The following SHISA9 variants were observed in gnomAD, a reference collection of about 807,000 sequenced individuals.
SHISA9 encodes the protein shisa family member 9, also known as protein shisa-9.
Under a neutral mutation model 38.0 loss-of-function variants are expected in SHISA9, and 13 were observed. That is an observed-to-expected ratio of 0.34 (90% CI 0.22 to 0.54). The LOEUF (loss-of-function observed/expected upper bound fraction) is 0.54. Among genes scored for constraint, SHISA9 ranks in the 20% least tolerant of loss-of-function variants. The probability of loss-of-function intolerance (pLI) is 0.91; values close to 1 mark genes in which losing one functional copy is unlikely to be tolerated. For synonymous variants in SHISA9, 275 were observed against 242.0 expected, an observed-to-expected ratio of 1.14 and a Z score of -1.27; for missense variants, 538 against 575.8, an observed-to-expected ratio of 0.93 and a Z score of 0.67.
chr16:13,500,174 G>T, the SHISA9 span, among the ~76,000 whole-genome samples: 1 of 152,126 alleles, frequency 6.6e-6, no homozygotes, highest in Non-Finnish European at 1.5e-5. Flanking sequence ...GTTCTAACAA[G>T]AGCTGATGGT....
intron 2 of SHISA9, among the ~76,000 whole-genome samples, chr16:13,142,748 A>G: frequency 6.6e-6 from 1 of 151,112 alleles, no homozygotes; most frequent in African/African-American, 2.4e-5. Context: ...AGTGGGGGGG[A>G]TGTTTCCATG....
At chr16:13,006,838 C>A (rs868223651) in intron 2 of SHISA9, among the ~76,000 whole-genome samples, 3 of 152,126 alleles carry the variant, frequency 2.0e-5, no homozygotes, top group Non-Finnish European at 4.4e-5. Context: ...CATCCCCCGT[C>A]CCCCACCCTT....
intron 3 of SHISA9, 49 bp from the exon 4 acceptor site, chr16:13,213,204 G>C (rs540845081): frequency 2.0e-6 from 3 of 1,520,290 alleles, no homozygotes; most frequent in African/African-American, 1.4e-5. Context: ...AGTGAACATG[G>C]GTGCCCTGCA....
At chr16:13,266,595 GC>G in the SHISA9 span, among the ~76,000 whole-genome samples, 2 of 152,076 alleles carry the variant, frequency 1.3e-5, no homozygotes, top group South Asian at 4.1e-4. Context: ...GGAGGCTCAG[GC>G]CCCCCAGAAT....
intron 2 of SHISA9, among the ~76,000 whole-genome samples, chr16:13,117,911 A>G (rs2074046384): frequency 6.6e-6 from 1 of 151,948 alleles, no homozygotes; most frequent in East Asian, 1.9e-4. Context: ...GCCTGGTGTG[A>G]TGGCTCACAC....
intron 2 of SHISA9, among the ~76,000 whole-genome samples, chr16:13,123,705 G>A (rs1466553169): frequency 2.6e-5 from 4 of 152,206 alleles, no homozygotes; most frequent in Non-Finnish European, 4.4e-5. Context: ...ATGGGAAGCA[G>A]CCCAGTCTGG....
chr16:13,246,114 G>C, the SHISA9 span, among the ~76,000 whole-genome samples: 6 of 152,224 alleles, frequency 3.9e-5, no homozygotes, highest in Non-Finnish European at 5.9e-5. Flanking sequence ...AAATAAGTCT[G>C]ATATGGCTTG....
chr16:13,336,624 A>G, the SHISA9 span, among the ~76,000 whole-genome samples: 2 of 152,188 alleles, frequency 1.3e-5, no homozygotes, highest in Admixed American at 1.3e-4. Context: ...TGTGTTTCCT[A>G]CACCTGCCTT....
chr16:13,476,738 G>GTGTTTTTTTTTT, the SHISA9 span, among the ~76,000 whole-genome samples: 1 of 65,182 alleles, frequency 1.5e-5, no homozygotes, highest in African/African-American at 5.5e-5. Context: ...CCTGTTTTGT[G>GTGTTTTTTTTTT]TTTTTTTTTT....
chr16:13,401,724 C>T, the SHISA9 span, among the ~76,000 whole-genome samples: 1 of 152,210 alleles, frequency 6.6e-6, no homozygotes, highest in African/African-American at 2.4e-5. Flanking sequence ...TCTTGGAATT[C>T]CCAGCCTCTA....
the SHISA9 span, among the ~76,000 whole-genome samples, chr16:13,529,477 G>A: frequency 6.6e-6 from 1 of 152,158 alleles, no homozygotes; most frequent in Non-Finnish European, 1.5e-5. Context: ...TCACCATTCT[G>A]GGGCCAATGC....
At chr16:13,067,741 G>A (rs1005236449) in intron 2 of SHISA9, among the ~76,000 whole-genome samples, 2 of 152,174 alleles carry the variant, frequency 1.3e-5, no homozygotes, top group African/African-American at 2.4e-5. Context: ...CTTTGCTCAC[G>A]TCCCCAGTCC....
intron 1 of SHISA9, chr16:12,911,299 G>T (rs2071180156): frequency 1.0e-6 from 1 of 985,224 alleles, no homozygotes; most frequent in African/African-American, 1.7e-5. Context: ...GCAAACAAAC[G>T]CCAAATTCTT....
At chr16:13,107,869 A>C (rs184536252) in intron 2 of SHISA9, among the ~76,000 whole-genome samples, 1 of 152,254 alleles carries the variant, frequency 6.6e-6, no homozygotes, top group Non-Finnish European at 1.5e-5. Flanking sequence ...TATAAATTTG[A>C]ATGGGAAAGG....
the SHISA9 span, among the ~76,000 whole-genome samples, chr16:13,343,012 G>T: frequency 6.6e-6 from 1 of 152,230 alleles, no homozygotes; most frequent in Non-Finnish European, 1.5e-5. Context: ...TAAAGATTAA[G>T]AGTTAATATA....
chr16:13,284,749 C>G, the SHISA9 span, among the ~76,000 whole-genome samples: 2 of 152,134 alleles, frequency 1.3e-5, no homozygotes, highest in Non-Finnish European at 2.9e-5. Flanking sequence ...AGGTACGTGC[C>G]ACCATGCCGG....
At chr16:13,418,510 T>TG in the SHISA9 span, among the ~76,000 whole-genome samples, 3 of 152,144 alleles carry the variant, frequency 2.0e-5, no homozygotes, top group African/African-American at 7.2e-5. Flanking sequence ...CTGGAACACT[T>TG]GGGGTCTGAC....
downstream of SHISA9, among the ~76,000 whole-genome samples, chr16:13,245,260 T>C (rs2051463477): frequency 6.6e-6 from 1 of 152,146 alleles, no homozygotes. Context: ...AAATTTCAAC[T>C]AGAGGCCAGT....
intron 2 of SHISA9, among the ~76,000 whole-genome samples, chr16:13,120,970 T>C (rs2050203874): frequency 1.3e-5 from 2 of 152,016 alleles, no homozygotes; most frequent in African/African-American, 4.8e-5. Context: ...TTCCAGCCTC[T>C]AGGAGTCTTC....
Sources: allele counts gnomAD v4.1 joint callset (sites outside exome capture counted in the v4.1 genomes callset), GRCh38; gene constraint gnomAD v4.1.1; transcripts MANE v1.5; gene names NCBI Gene and HGNC (gene_info 2026-07-23, HGNC 2026-07-21).